Variants in PLRG1 observed in about 807,000 individuals in gnomAD.
The protein encoded by PLRG1 is pleiotropic regulator 1.
PLRG1 carries 28 observed loss-of-function variants against 74.9 expected under a neutral mutation model. That is an observed-to-expected ratio of 0.37 (90% CI 0.28 to 0.51). The LOEUF is 0.51. Ranked by LOEUF, PLRG1 falls within the 20% of genes least tolerant of loss-of-function variation. PLRG1 has a pLI of 0.91. For missense variants in PLRG1, 445 were observed against 631.9 expected (o/e 0.70, Z 3.17); for synonymous variants, 197 against 212.4 (o/e 0.93, Z 0.63).
rs1217548116 is a variant in PLRG1 at position 154,540,630 on chromosome 4, A to G, written c.903T>C (p.Asp301=). 3 of 1,613,418 alleles carry G rather than the reference A, an allele frequency of 1.9e-6. No homozygotes were observed. Among genetic ancestry groups the G allele is most frequent in the Admixed American group, 1.7e-5 (1 of 59,974 alleles). The change falls in exon 10 of 15, where the codon GAT becomes GAC. Residue 301 remains aspartate (D), a synonymous_variant. Transcript: ENST00000499023. Reference sequence around the variant, plus strand: ...AATCTCGACTACAGGTTACCAACACATCGATTGTCGGGTGCAAATCCAAAC... The same window carrying G: ...AATCTCGACTACAGGTTACCAACACGTCGATTGTCGGGTGCAAATCCAAAC... ...VYGLDLHPTI[D]VLVTCSRDST...
At chr4:154,547,656 T>G in intron 3 of PLRG1, 55 bp downstream of exon 3, 1 of 1,527,980 alleles carries the variant, frequency 6.5e-7, no homozygotes, top group Non-Finnish European at 9.0e-7. Flanking sequence ...TATTTTATTT[T>G]TCTGTTTTTA....
intron 14 of PLRG1, 25 bp downstream of exon 14, chr4:154,537,261 A>T: frequency 6.6e-7 from 1 of 1,518,822 alleles, no homozygotes; most frequent in Non-Finnish European, 9.1e-7. Context: ...TGTTTTACTT[A>T]ACGAATGTGA....
intron 3 of PLRG1, chr4:154,547,484 T>A: frequency 1.8e-6 from 1 of 568,334 alleles, no homozygotes. Flanking sequence ...TTCTCCACAC[T>A]CTAAGAATCT....
chr4:154,541,997 T>A (rs1410930585), intron 8 of PLRG1, 190 bp downstream of exon 8: 1 of 548,998 alleles, frequency 1.8e-6, no homozygotes, highest in Non-Finnish European at 3.3e-6. Context: ...GAAAAAGTGG[T>A]TTAAATAGCA....
intron 2 of PLRG1, 59 bp downstream of exon 2, chr4:154,548,769 CT>C: frequency 9.3e-6 from 8 of 862,762 alleles, no homozygotes; most frequent in Middle Eastern, 2.2e-4. Context: ...TCCCTGCTCT[CT>C]TCCCCTAGTA....
chr4:154,539,914 AT>A, intron 11 of PLRG1, 36 bp downstream of exon 11: 1 of 946,182 alleles, frequency 1.1e-6, no homozygotes, highest in South Asian at 1.3e-5. Context: ...GGATTCTGAC[AT>A]GAATATTCTG....
At chr4:154,546,064 G>C in intron 5 of PLRG1, 59 bp downstream of exon 5, 4 of 1,193,386 alleles carry the variant, frequency 3.4e-6, no homozygotes, top group Admixed American at 4.2e-5. Flanking sequence ...ATTTTAAAAA[G>C]AAAAAATGTG....
At chr4:154,545,524 A>G (rs1472739811) in intron 6 of PLRG1, among the ~76,000 whole-genome samples, 2 of 152,200 alleles carry the variant, frequency 1.3e-5, no homozygotes, top group Non-Finnish European at 2.9e-5. Context: ...ATAAAAAAAA[A>G]AAGACTTTCA....
chr4:154,539,192 C>T lies in PLRG1; in HGVS notation c.1064G>A (p.Arg355Gln). The change falls in exon 12 of 15, where the codon CGA becomes CAA. Residue 355 changes from arginine (R) to glutamine (Q), a missense_variant. Transcript: ENST00000499023. ...TTTTCCAGCCACCAGATCCCATAAT[C>T]GAATTGTAGTATCATGGCTTCCTGT... Reference protein sequence around the residue: ...IITGSHDTTIRLWDLVAGKTR... With the variant: ...IITGSHDTTIQLWDLVAGKTR... 6.2e-7 allele frequency: 1 copy of T among 1,607,688 alleles called. No homozygotes were observed. Among genetic ancestry groups the T allele is most frequent in the Non-Finnish European group, 8.5e-7 (1 of 1,174,260 alleles).
rs1017484083 is a variant in PLRG1, at chr4:154,535,110, G to T, written c.*1575C>A. ...CCCATGAAAGTTCTTCCATAATTCT[G>T]CTTCCTAACAAAGCCACTGTTAGTA... On this transcript the variant is annotated 3_prime_UTR_variant, in exon 15 of 15. Coordinates refer to ENST00000499023, the MANE Select transcript of PLRG1 (RefSeq NM_002669.4). The T allele has an allele frequency of 6.6e-6, 1 of 151,910 alleles. No homozygotes were observed. The highest frequency in any genetic ancestry group is 2.4e-5 in the African/African-American group (1 of 41,368). 9.4% of individuals were successfully genotyped at this position (151,910 alleles called of 1,614,324 possible).
chr4:154,544,108 T>G (rs971275305), intron 7 of PLRG1: 1 of 176,050 alleles, frequency 5.7e-6, no homozygotes, highest in East Asian at 1.6e-4. Flanking sequence ...GAGTAACTGG[T>G]AGGCCCAAAT....
Position 154,550,386 on chromosome 4 carries a change from G to A in PLRG1, c.-78C>T. 1 of 1,410,970 alleles carries A rather than the reference G, an allele frequency of 7.1e-7. No homozygotes were observed. The highest frequency in any genetic ancestry group is 1.0e-6 in the Non-Finnish European group (1 of 996,378). The allele number at this position is 1,410,970 out of a possible 1,614,324, so 87.4% of individuals were successfully genotyped here. ...CAGTACCCGCCGCCACAGCTGTGCAGCACCTTCCGGAATTGGGCGCCCAGG... is the reference window on the plus strand; with the variant it reads ...CAGTACCCGCCGCCACAGCTGTGCAACACCTTCCGGAATTGGGCGCCCAGG... On this transcript the variant is annotated 5_prime_UTR_variant, in exon 1 of 15. Coordinates refer to ENST00000499023, the MANE Select transcript of PLRG1 (RefSeq NM_002669.4).
chr4:154,543,650 G>A (rs1389309559), intron 7 of PLRG1, among the ~76,000 whole-genome samples: 1 of 152,266 alleles, frequency 6.6e-6, no homozygotes, highest in East Asian at 1.9e-4. Flanking sequence ...GGTGTTTTTT[G>A]AGGTGGTGTA....
Position 154,536,769 on chromosome 4 carries a change from A to G in PLRG1, c.1486-25T>C, listed in dbSNP as rs768949863. On this transcript the variant is annotated intron_variant, in intron 14 of 14. Transcript: ENST00000499023. ...TCTAAAAATAGAAAAGTGAGTTAAA[A>G]TAAAGTATTATTAGTTTGCTTCATG... 3.9e-6 allele frequency: 5 copies of G among 1,277,328 alleles called. No homozygotes were observed. In the Admixed American group the frequency reaches 6.5e-5, roughly 17 times the overall value. 79.1% of individuals were successfully genotyped at this position (1,277,328 alleles called of 1,614,324 possible).
At chr4:154,541,808 A>G (rs572557716) in intron 8 of PLRG1, 1 of 163,876 alleles carries the variant, frequency 6.1e-6, no homozygotes, top group African/African-American at 2.4e-5. Context: ...AGAAATAAAT[A>G]CTAAAACGAA....
At chr4:154,536,841 C>A in intron 14 of PLRG1, 97 bp from the exon 15 acceptor site, 2 of 682,404 alleles carry the variant, frequency 2.9e-6, no homozygotes, top group South Asian at 3.8e-5. Context: ...TAACATTATT[C>A]ATTGGCTTTA....
chr4:154,547,689 T>C, intron 3 of PLRG1, 22 bp downstream of exon 3: 1 of 1,599,614 alleles, frequency 6.3e-7, no homozygotes. Flanking sequence ...AAGTCTGACA[T>C]TTCTGATAAT....
At chr4:154,546,857 T>G in intron 4 of PLRG1, 154 bp downstream of exon 4, 1 of 651,430 alleles carries the variant, frequency 1.5e-6, no homozygotes, top group Non-Finnish European at 2.8e-6. Flanking sequence ...TGAAGGCATA[T>G]GAGTATTCAT....
chr4:154,537,873 T>G (rs1729479602), intron 13 of PLRG1, 96 bp downstream of exon 13: 1 of 706,126 alleles, frequency 1.4e-6, no homozygotes, highest in Admixed American at 2.6e-5. Context: ...GCTATAATAC[T>G]TAAGTGTGAC....
Sources: gnomAD v4.1 joint callset for allele counts (sites outside exome capture counted in the v4.1 genomes callset) on GRCh38, gnomAD v4.1.1 for gene constraint, MANE v1.5 for transcripts, NCBI Gene and HGNC (gene_info 2026-07-23, HGNC 2026-07-21) for gene names.